TGFBR1: variants seen among roughly 807,000 people sequenced by gnomAD.
TGFBR1 encodes the protein TGF-beta receptor type-1.
In TGFBR1, 20 loss-of-function variants were observed where a neutral mutation model predicts 55.1. The observed-to-expected ratio is 0.36, with a 90% confidence interval of 0.26 to 0.53. TGFBR1 has a LOEUF of 0.53. TGFBR1 is among the 20% of genes least tolerant of loss of function. TGFBR1 has a pLI of 0.91. For synonymous variants in TGFBR1, 220 were observed against 214.8 expected (o/e 1.02, Z -0.21); for missense variants, 385 against 617.6 (o/e 0.62, Z 3.99).
At position 99,144,794 on chromosome 9, in the gene TGFBR1, A is replaced by C. The variant is rs1827740361; in HGVS notation, c.1036A>C (p.Thr346Pro). 1 of 1,613,920 alleles carries C rather than the reference A, an allele frequency of 6.2e-7. No homozygotes were observed. The highest frequency in any genetic ancestry group is 1.1e-5 in the South Asian group (1 of 91,088). The change falls in exon 6 of 9, where the codon ACT (threonine) becomes CCT (proline). Residue 346 changes from threonine (T) to proline (P), a missense_variant. Around this residue, in one of 5 missense-constraint regions of TGFBR1, gnomAD observed 85 missense variants for 228.4 expected, o/e 0.37. Transcript: ENST00000374994. ...SKNILVKKNG[T>P]CCIADLGLAV... ...GAATATCTTGGTAAAGAAGAATGGA[A>C]CTTGCTGTATTGCAGACTTAGGACT...
intron 1 of TGFBR1, among the ~76,000 whole-genome samples, chr9:99,110,209 T>C (rs1826523367): frequency 6.6e-6 from 1 of 152,098 alleles, no homozygotes; most frequent in Admixed American, 6.6e-5. Flanking sequence ...ATAAAGCTGC[T>C]CCCTCAAAGA....
rs774565396 is a variant in TGFBR1 at position 99,149,202 on chromosome 9, T to C, written c.1409T>C (p.Ile470Thr). ...TAGGCCTTGAGAGTAATGGCTAAAA[T>C]TATGAGAGAATGTTGGTATGCCAAT... ...SCEALRVMAK[I>T]MRECWYANGA... is the part of the protein sequence containing the mutation. The change falls in exon 9 of 9, where the codon ATT becomes ACT. Residue 470 changes from isoleucine to threonine, a missense_variant. By Grantham distance (89) the Ile-to-Thr change is moderately conservative (BLOSUM62 -1). This residue lies in a region of TGFBR1 where 110 missense variants were observed against 154.6 expected (regional missense o/e 0.71). Coordinates refer to ENST00000374994, the MANE Select transcript of TGFBR1 (RefSeq NM_004612.4). 1.2e-6 allele frequency: 2 copies of C among 1,612,822 alleles called. No individual in the cohort carries two copies. Among genetic ancestry groups the C allele is most frequent in the African/African-American group, 1.3e-5 (1 of 74,980 alleles).
Position 99,132,676 on chromosome 9 carries a change from A to C in TGFBR1, c.511A>C (p.Ile171Leu). ...EEDPSLDRPF[I>L]SEGTTLKDLI... Reference sequence around the variant, plus strand: ...GGACCCTTCATTAGATCGCCCTTTTATTTCAGAGGGTACTACGTTGAAAGA... The same window carrying C: ...GGACCCTTCATTAGATCGCCCTTTTCTTTCAGAGGGTACTACGTTGAAAGA... Residue 171 changes from isoleucine to leucine, a missense_variant, in exon 3 of 9, where the codon ATT becomes CTT. This residue lies in a region of TGFBR1 where 146 missense variants were observed against 167.7 expected (regional missense o/e 0.87). Coordinates refer to ENST00000374994, the MANE Select transcript of TGFBR1 (RefSeq NM_004612.4). The C allele has an allele frequency of 6.2e-7, 1 of 1,614,118 alleles. No homozygotes were observed. Among genetic ancestry groups the C allele is most frequent in the South Asian group, 1.1e-5 (1 of 91,082 alleles).
chr9:99,123,600 G>T (rs1285117142), intron 1 of TGFBR1, among the ~76,000 whole-genome samples: 1 of 152,080 alleles, frequency 6.6e-6, no homozygotes, highest in Non-Finnish European at 1.5e-5. Context: ...CTGTAATCTG[G>T]GTAGAATATT....
In TGFBR1 at chr9:99,138,221, G is replaced by A. The variant is rs547021384; in HGVS notation, c.805+132G>A. 9.2e-6 allele frequency: 7 copies of A among 758,980 alleles called. 1 individual carries two copies. The East Asian group carries it at 1.6e-4, about 18-fold the overall frequency. The allele number at this position is 758,980 out of a possible 1,614,324, so 47.0% of individuals were successfully genotyped here. A position where few individuals can be genotyped will look rare whatever the true frequency, so the allele number is the denominator to read the frequency against. On this transcript the variant is annotated intron_variant, in intron 4 of 8. Transcript: ENST00000374994. ...TCATGTAGATTAGACCCATTAAGTCGAATACAATATATTAGTAACTTTTAG... is the reference window on the plus strand; with the variant it reads ...TCATGTAGATTAGACCCATTAAGTCAAATACAATATATTAGTAACTTTTAG...
chr9:99,133,996 T>TAAA (rs550064982), intron 3 of TGFBR1, among the ~76,000 whole-genome samples: 7 of 110,622 alleles, frequency 6.3e-5, no homozygotes, highest in African/African-American at 2.0e-4. Flanking sequence ...AGACTCCATC[T>TAAA]AAAAAAAAAA....
At position 99,119,319 on chromosome 9, in the gene TGFBR1, C is replaced by T. The variant is rs2118423913; in HGVS notation, c.98-9536C>T. On this transcript the variant is annotated intron_variant, in intron 1 of 8. Transcript: ENST00000374994. ...TCTGTTTTGTATGTCATTCCCCTAG[C>T]CCAGGATGATCAGCCACTTTCATTT... Among the ~76,000 whole-genome samples, 3 of 152,260 alleles carry T rather than the reference C, an allele frequency of 2.0e-5. 1 individual carries two copies. In the Middle Eastern group the frequency reaches 0.01, roughly 518 times the overall value.
At chr9:99,111,637 C>CA (rs995647484) in intron 1 of TGFBR1, among the ~76,000 whole-genome samples, 2 of 151,826 alleles carry the variant, frequency 1.3e-5, no homozygotes, top group Non-Finnish European at 2.9e-5. Context: ...TCAACAAAAA[C>CA]AAACAAACAA....
Position 99,138,204 on chromosome 9 carries a change from A to G in TGFBR1, c.805+115A>G, listed in dbSNP as rs913567793. ...TGAGACATAGATGTCTCTCATGTAG[A>G]TTAGACCCATTAAGTCGAATACAAT... On this transcript the variant is annotated intron_variant, in intron 4 of 8. Transcript: ENST00000374994. 18 of 881,578 alleles carry G rather than the reference A, an allele frequency of 2.0e-5. No homozygotes were observed. The Admixed American group carries it at 3.7e-4, about 18-fold the overall frequency. The allele number at this position is 881,578 out of a possible 1,614,324, so 54.6% of individuals were successfully genotyped here. A position where few individuals can be genotyped will look rare whatever the true frequency, so the allele number is the denominator to read the frequency against.
chr9:99,105,381 C>G (rs1826378830), intron 1 of TGFBR1, 79 bp downstream of exon 1: 1 of 970,414 alleles, frequency 1.0e-6, no homozygotes, highest in South Asian at 4.6e-5. Context: ...TGCTCTTTCT[C>G]AAACATGGCG....
rs11466468 is a variant in TGFBR1 at position 99,144,596 on chromosome 9, G to GC, written c.974-134dup. ...TAGTGATTCACTTGAGTTTAATAAT[G>GC]CCGTAAGTATTGTAGGTCATGTGGG... is the stretch of plus-strand genomic sequence containing the variant. On this transcript the variant is annotated intron_variant, in intron 5 of 8. Transcript: ENST00000374994. 7,282 of 893,396 alleles carry GC rather than the reference G, an allele frequency of 8.2e-3. 53 individuals carry two copies. The highest frequency in any genetic ancestry group is 0.011 in the Non-Finnish European group (6,049 of 558,402). The allele number at this position is 893,396 out of a possible 1,614,324, so 55.3% of individuals were successfully genotyped here. A position where few individuals can be genotyped will look rare whatever the true frequency, so the allele number is the denominator to read the frequency against.
intron 1 of TGFBR1, among the ~76,000 whole-genome samples, chr9:99,110,602 G>A (rs1172898814): frequency 6.6e-6 from 1 of 151,912 alleles, no homozygotes; most frequent in Admixed American, 6.5e-5. Flanking sequence ...TTTTTTCATC[G>A]TCTAATCGTA....
chr9:99,121,467 G>A (rs1571589), intron 1 of TGFBR1, among the ~76,000 whole-genome samples: 37,382 of 152,042 alleles, frequency 0.25, 4,887 homozygotes, highest in East Asian at 0.46. Context: ...AAGAGGACAC[G>A]TCTCCTTGAG....
intron 1 of TGFBR1, among the ~76,000 whole-genome samples, chr9:99,110,610 G>A (rs926855931): frequency 7.9e-5 from 12 of 152,016 alleles, no homozygotes; most frequent in African/African-American, 2.7e-4. Context: ...TCGTCTAATC[G>A]TAAATATATA....
At chr9:99,108,478 A>G (rs1826477861) in intron 1 of TGFBR1, among the ~76,000 whole-genome samples, 1 of 152,202 alleles carries the variant, frequency 6.6e-6, no homozygotes, top group African/African-American at 2.4e-5. Context: ...GTTGTTAAAT[A>G]TTTTTAATAT....
chr9:99,149,217 G>C lies in TGFBR1; in HGVS notation c.1424G>C (p.Trp475Ser), dbSNP rs1443434893. The C allele has an allele frequency of 3.1e-6, 5 of 1,613,036 alleles. No individual in the cohort carries two copies. Among genetic ancestry groups the C allele is most frequent in the Non-Finnish European group, 4.2e-6 (5 of 1,179,584 alleles). ...RVMAKIMREC[W>S]YANGAARLTA... ...ATGGCTAAAATTATGAGAGAATGTT[G>C]GTATGCCAATGGAGCAGCTAGGCTT... is the stretch of plus-strand genomic sequence containing the variant. Residue 475 changes from tryptophan (W) to serine (S), a missense_variant, in exon 9 of 9, where the codon TGG (tryptophan) becomes TCG (serine). Coordinates refer to ENST00000374994, the MANE Select transcript of TGFBR1 (RefSeq NM_004612.4).
intron 1 of TGFBR1, among the ~76,000 whole-genome samples, chr9:99,122,551 T>C (rs902301612): frequency 6.6e-6 from 1 of 152,126 alleles, no homozygotes; most frequent in African/African-American, 2.4e-5. Flanking sequence ...ACCCCGATAC[T>C]ATAATACCAT....
intron 1 of TGFBR1, among the ~76,000 whole-genome samples, chr9:99,116,156 T>C (rs922118483): frequency 6.6e-6 from 1 of 150,478 alleles, no homozygotes; most frequent in African/African-American, 2.5e-5. Context: ...TGATCATAAT[T>C]GTTTCTTCAC....
In TGFBR1 at chr9:99,126,562, G is replaced by A. The variant is rs141248094; in HGVS notation, c.98-2293G>A. ...GGAGAGAATTATGACAATGTCCTTC[G>A]GTGGTAGTTTTAATGCTTTGTGGGT... On this transcript the variant is annotated intron_variant, in intron 1 of 8. Coordinates refer to ENST00000374994, the MANE Select transcript of TGFBR1 (RefSeq NM_004612.4). Among the ~76,000 whole-genome samples, 465 of 152,250 alleles carry A rather than the reference G, an allele frequency of 3.1e-3. 1 individual carries two copies. Among genetic ancestry groups the A allele is most frequent in the Non-Finnish European group, 5.2e-3 (355 of 68,020 alleles).
Sources: gnomAD v4.1 joint callset for allele counts (sites outside exome capture counted in the v4.1 genomes callset) on GRCh38, gnomAD v4.1.1 for gene constraint, gnomAD v4.1.1 regional missense constraint, MANE v1.5 for transcripts, NCBI Gene and HGNC (gene_info 2026-07-23, HGNC 2026-07-21) for gene names.